The following NCKAP5 variants were observed in gnomAD, a reference collection of about 807,000 sequenced individuals.
NCKAP5 encodes the protein NCK associated protein 5, also known as nck-associated protein 5.
Under a neutral mutation model 167.0 loss-of-function variants are expected in NCKAP5, and 92 were observed. The ratio of observed to expected loss-of-function variants is 0.55; its 90% CI spans 0.47 to 0.66. The LOEUF is 0.66. NCKAP5 is among the 30% of genes least tolerant of loss of function. The pLI, the probability that NCKAP5 is intolerant of heterozygous loss-of-function variation, is 0.00. For synonymous variants in NCKAP5, 891 were observed against 877.4 expected (o/e 1.02, Z -0.27); for missense variants, 2,378 against 2,315.0 (o/e 1.03, Z -0.56).
At chr2:132,942,632 T>A (rs1697386598) in intron 8 of NCKAP5, among the ~76,000 whole-genome samples, 1 of 152,184 alleles carries the variant, frequency 6.6e-6, no homozygotes, top group Non-Finnish European at 1.5e-5. Context: ...TAAAGGTGGA[T>A]GGGAAACAAC....
chr2:133,654,650 C>T, the NCKAP5 span, among the ~76,000 whole-genome samples: 7 of 152,110 alleles, frequency 4.6e-5, no homozygotes, highest in African/African-American at 1.4e-4. Context: ...AAATGACTAT[C>T]GCATATTTGC....
At chr2:133,338,370 C>T (rs2150753992) in intron 3 of NCKAP5, among the ~76,000 whole-genome samples, 1 of 152,270 alleles carries the variant, frequency 6.6e-6, no homozygotes, top group Non-Finnish European at 1.5e-5. Flanking sequence ...TTCTTAGTAA[C>T]AGAATGTAGT....
At chr2:132,932,704 A>T (rs1696484887) in intron 8 of NCKAP5, among the ~76,000 whole-genome samples, 1 of 152,180 alleles carries the variant, frequency 6.6e-6, no homozygotes, top group African/African-American at 2.4e-5. Context: ...ACATACTATG[A>T]TACCCCTGAA....
chr2:133,077,667 G>A (rs1171262931), intron 6 of NCKAP5, among the ~76,000 whole-genome samples: 7 of 152,154 alleles, frequency 4.6e-5, no homozygotes, highest in Admixed American at 6.5e-5. Flanking sequence ...ACAAGGGGAC[G>A]CAAAACTGAA....
intron 4 of NCKAP5, among the ~76,000 whole-genome samples, chr2:133,291,469 C>T (rs998438250): frequency 1.1e-4 from 17 of 152,150 alleles, no homozygotes; most frequent in African/African-American, 4.1e-4. Context: ...ACCAAAGCAA[C>T]CCAGGGTCCA....
At chr2:133,076,473 GA>G (rs146616760) in intron 6 of NCKAP5, among the ~76,000 whole-genome samples, 31 of 150,670 alleles carry the variant, frequency 2.1e-4, no homozygotes, top group African/African-American at 4.6e-4. Flanking sequence ...TCCTACGTAT[GA>G]AAAAAAAATG....
intron 3 of NCKAP5, among the ~76,000 whole-genome samples, chr2:133,326,458 CAAAA>C (rs34750625): frequency 1.4e-4 from 7 of 48,982 alleles, no homozygotes; most frequent in African/African-American, 4.0e-4. Flanking sequence ...TCAGTCTCAA[CAAAA>C]AAAAAAAAAA....
chr2:132,959,362 T>G (rs1003176551), intron 8 of NCKAP5, among the ~76,000 whole-genome samples: 2 of 152,144 alleles, frequency 1.3e-5, no homozygotes, highest in African/African-American at 2.4e-5. Context: ...TCTTTCAACC[T>G]TGAGGCTATC....
At position 132,785,717 on chromosome 2, in the gene NCKAP5, T is replaced by C. The variant is rs1376309086; in HGVS notation, c.1094A>G (p.Gln365Arg). 2.0e-6 allele frequency: 3 copies of C among 1,485,006 alleles called. No homozygotes were observed. The highest frequency in any genetic ancestry group is 2.7e-6 in the Non-Finnish European group (3 of 1,118,592). 92.0% of individuals were successfully genotyped at this position (1,485,006 alleles called of 1,614,324 possible). Residue 365 changes from glutamine (Q) to arginine (R), a missense_variant and splice_region_variant, in exon 14 of 20, where the codon CAA becomes CGA. Gln to Arg is a conservative substitution (Grantham distance 43, BLOSUM62 1). Transcript: ENST00000409261. ...WHDGKNLRKR[Q>R]SSQNWDKRLS... ...CCTTTTATCCCAGTTTTGTGATGAT[T>C]GCTAGGAAAGAAAAGTAGACATCAG... is the stretch of plus-strand genomic sequence containing the variant.
chr2:133,483,349 A>G (rs1385142929), intron 3 of NCKAP5, among the ~76,000 whole-genome samples: 1 of 152,130 alleles, frequency 6.6e-6, no homozygotes, highest in African/African-American at 2.4e-5. Flanking sequence ...TACATAAACT[A>G]CTCTAAAGAA....
chr2:133,536,831 G>GT (rs1369098501), intron 2 of NCKAP5, among the ~76,000 whole-genome samples: 1 of 151,254 alleles, frequency 6.6e-6, no homozygotes, highest in East Asian at 1.9e-4. Context: ...CAAGCTATCT[G>GT]TTTTTTTATT....
intron 16 of NCKAP5, among the ~76,000 whole-genome samples, chr2:132,755,158 T>C (rs1036815339): frequency 3.9e-5 from 6 of 152,320 alleles, no homozygotes; most frequent in South Asian, 2.1e-4. Context: ...AACCTAACTA[T>C]TGGGCAAAGC....
At chr2:133,427,753 T>TA (rs1435967470) in intron 3 of NCKAP5, among the ~76,000 whole-genome samples, 6 of 152,106 alleles carry the variant, frequency 3.9e-5, no homozygotes, top group African/African-American at 9.7e-5. Context: ...ATGTTAGCAT[T>TA]AAAAAATCTA....
chr2:133,263,016 G>C (rs900192364), intron 4 of NCKAP5, among the ~76,000 whole-genome samples: 8 of 152,114 alleles, frequency 5.3e-5, no homozygotes, highest in Admixed American at 3.9e-4. Flanking sequence ...CCTAAGGTTG[G>C]AATCAGCCTC....
At chr2:133,085,043 T>C (rs2080939342) in intron 6 of NCKAP5, among the ~76,000 whole-genome samples, 1 of 152,154 alleles carries the variant, frequency 6.6e-6, no homozygotes, top group South Asian at 2.1e-4. Flanking sequence ...TTTAAAAATA[T>C]AAAAACCATT....
chr2:132,997,962 CA>C (rs1306593571), intron 6 of NCKAP5, among the ~76,000 whole-genome samples: 2 of 152,126 alleles, frequency 1.3e-5, no homozygotes, highest in Admixed American at 1.3e-4. Context: ...GAAGTAATGA[CA>C]ATGGTCCTAA....
chr2:133,213,824 G>A (rs2086310717), intron 4 of NCKAP5, 45 bp from the exon 5 acceptor site: 1 of 1,588,896 alleles, frequency 6.3e-7, no homozygotes, highest in African/African-American at 1.3e-5. Context: ...TCTCAGGGTA[G>A]AGGTGACACT....
rs1176731938 is a variant in NCKAP5, at chr2:133,116,487, CAAAAAAA to C, written c.341+13484_341+13490del. On this transcript the variant is annotated intron_variant, in intron 6 of 19. Coordinates refer to ENST00000409261, the MANE Select transcript of NCKAP5 (RefSeq NM_207363.3). ...TGGGCGACAGAGCGAGACTCCGTCT[CAAAAAAA>C]AAAAAAAAAAAAAAAAAAAAAAGAA... 7.0e-4 allele frequency among the ~76,000 whole-genome samples: 5 copies of C among 7,150 alleles called. No homozygotes were observed. The South Asian group carries it at 0.013, about 18-fold the overall frequency. The allele number at this position is 7,150 out of a possible 152,430, so 4.7% of individuals were successfully genotyped here.
chr2:133,203,817 C>T (rs2085818711), intron 5 of NCKAP5, among the ~76,000 whole-genome samples: 1 of 152,126 alleles, frequency 6.6e-6, no homozygotes, highest in Admixed American at 6.6e-5. Flanking sequence ...AGGTTTCAAA[C>T]CATTCCAACT....
Sources: allele counts gnomAD v4.1 joint callset (sites outside exome capture counted in the v4.1 genomes callset), GRCh38; gene constraint gnomAD v4.1.1; transcripts MANE v1.5; gene names NCBI Gene and HGNC (gene_info 2026-07-23, HGNC 2026-07-21).